GNB5: variants seen among roughly 807,000 people sequenced by gnomAD.
GNB5 encodes guanine nucleotide-binding protein subunit beta-5.
A neutral mutation model predicts 55.3 loss-of-function variants in GNB5; 37 were observed. The observed-to-expected ratio is 0.67, with a 90% CI of 0.51 to 0.88. The LOEUF (loss-of-function observed/expected upper bound fraction) is 0.88. Among genes scored for constraint, GNB5 ranks in the 40% least tolerant of loss-of-function variants. The pLI is 0.00. For synonymous variants in GNB5, 219 were observed against 198.5 expected (o/e 1.10, Z -0.87); for missense variants, 476 against 515.3 (o/e 0.92, Z 0.74).
intron 3 of GNB5, among the ~76,000 whole-genome samples, chr15:52,157,592 T>C (rs1040678997): frequency 3.3e-5 from 5 of 152,136 alleles, no homozygotes; most frequent in Non-Finnish European, 4.4e-5. Context: ...TGTGAGCATA[T>C]TGTATTTAGT....
chr15:52,174,751 C>G (rs2034618066), intron 3 of GNB5, among the ~76,000 whole-genome samples: 1 of 152,088 alleles, frequency 6.6e-6, no homozygotes, highest in African/African-American at 2.4e-5. Context: ...TGCCTAGGGC[C>G]GCAGGGTCTC....
rs117479818 is a variant in GNB5, at chr15:52,133,101, T to C, written c.863+277A>G. Among the ~76,000 whole-genome samples the C allele has an allele frequency of 0.011, 1,638 of 152,316 alleles. 15 individuals are homozygous for C. Among genetic ancestry groups the C allele is most frequent in the Non-Finnish European group, 0.017 (1,174 of 68,038 alleles). On this transcript the variant is annotated intron_variant, in intron 9 of 12. Transcript: ENST00000261837. ...TATATTCCCAGTTCCTAGAATAATATCTAGCATATAAATACTTAATAAATA... is the reference window on the plus strand; with the variant it reads ...TATATTCCCAGTTCCTAGAATAATACCTAGCATATAAATACTTAATAAATA...
chr15:52,137,610 T>TG, intron 7 of GNB5: 1 of 1,117,286 alleles, frequency 9.0e-7, no homozygotes, highest in Non-Finnish European at 1.1e-6. Flanking sequence ...CACACAGGGG[T>TG]GCCCAGGGAA....
chr15:52,179,147 C>G (rs927709793), intron 3 of GNB5, among the ~76,000 whole-genome samples: 2 of 152,168 alleles, frequency 1.3e-5, no homozygotes, highest in African/African-American at 2.4e-5. Context: ...GCCAATCCAC[C>G]ACATCGATCC....
chr15:52,122,719 A>G lies in GNB5; in HGVS notation c.*38T>C. On this transcript the variant is annotated 3_prime_UTR_variant, in exon 13 of 13. Transcript: ENST00000261837. ...TATCTATTTACATGTGAAGATTTCA[A>G]ATTCTCAGGTATACATGAGTGCACT... The G allele has an allele frequency of 2.0e-6, 3 of 1,514,452 alleles. No homozygotes were observed. The highest frequency in any genetic ancestry group is 1.1e-5 in the South Asian group (1 of 89,152). The allele number at this position is 1,514,452 out of a possible 1,614,324, so 93.8% of individuals were successfully genotyped here. A position where few individuals can be genotyped will look rare whatever the true frequency, so the allele number is the denominator to read the frequency against.
intron 8 of GNB5, among the ~76,000 whole-genome samples, chr15:52,134,454 G>C (rs186944246): frequency 2.3e-3 from 353 of 152,302 alleles, no homozygotes; most frequent in Non-Finnish European, 3.0e-3. Context: ...AAAGAAACCA[G>C]AAAGGCCTTC....
chr15:52,140,437 A>G (rs966368559), intron 7 of GNB5, among the ~76,000 whole-genome samples: 1 of 152,156 alleles, frequency 6.6e-6, no homozygotes, highest in African/African-American at 2.4e-5. Context: ...GGCAGCAGCA[A>G]GTCTGTGACC....
intron 6 of GNB5, among the ~76,000 whole-genome samples, chr15:52,146,414 C>T (rs1329402497): frequency 6.6e-6 from 1 of 152,210 alleles, no homozygotes; most frequent in South Asian, 2.1e-4. Context: ...GGGAATAAGG[C>T]ACACTCTTCC....
At chr15:52,166,078 A>G (rs1418489136) in intron 3 of GNB5, among the ~76,000 whole-genome samples, 1 of 152,226 alleles carries the variant, frequency 6.6e-6, no homozygotes, top group Non-Finnish European at 1.5e-5. Flanking sequence ...ACCAACAAAG[A>G]TAAAAAAAGA....
At chr15:52,145,827 G>C (rs993030690) in intron 6 of GNB5, among the ~76,000 whole-genome samples, 1 of 151,964 alleles carries the variant, frequency 6.6e-6, no homozygotes, top group Non-Finnish European at 1.5e-5. Context: ...CTGGGGACTC[G>C]GGCTTTTCCT....
chr15:52,141,465 G>T (rs1419445576), intron 6 of GNB5, among the ~76,000 whole-genome samples, 193 bp from the exon 7 acceptor site: 1 of 146,356 alleles, frequency 6.8e-6, no homozygotes, highest in Non-Finnish European at 1.5e-5. Flanking sequence ...ACAGGGTCTT[G>T]CTCTGTTGGC....
At chr15:52,187,483 T>C (rs932531744) in intron 1 of GNB5, among the ~76,000 whole-genome samples, 3 of 151,930 alleles carry the variant, frequency 2.0e-5, no homozygotes, top group African/African-American at 7.3e-5. Context: ...GAGAGGAACC[T>C]ATGGCACCAA....
At chr15:52,164,309 A>T (rs1479786440) in intron 3 of GNB5, among the ~76,000 whole-genome samples, 250 of 2,614 alleles carry the variant, frequency 0.096, 1 homozygote, top group Non-Finnish European at 0.19. Flanking sequence ...ACTCTGTCTT[A>T]AAAAAAAAAA....
intron 12 of GNB5, among the ~76,000 whole-genome samples, chr15:52,123,003 T>C (rs2141179645): frequency 6.6e-6 from 1 of 151,958 alleles, no homozygotes; most frequent in East Asian, 1.9e-4. Flanking sequence ...GACCTGATCT[T>C]CTCCTCCCTT....
At chr15:52,151,178 G>C (rs138507442) in intron 4 of GNB5, among the ~76,000 whole-genome samples, 1 of 152,152 alleles carries the variant, frequency 6.6e-6, no homozygotes, top group Non-Finnish European at 1.5e-5. Flanking sequence ...GGTGGATTCA[G>C]TAAGCCTTTA....
chr15:52,124,658 G>A lies in GNB5; in HGVS notation c.1010-19C>T. ...AGGCGACCTTGAAGCAGGGTGAGATGATAGCTGTTAAGCCAGTTCCTTGCT... is the reference window on the plus strand; with the variant it reads ...AGGCGACCTTGAAGCAGGGTGAGATAATAGCTGTTAAGCCAGTTCCTTGCT... On this transcript the variant is annotated intron_variant, in intron 11 of 12. Transcript: ENST00000261837. 7.5e-6 allele frequency: 12 copies of A among 1,608,804 alleles called. No homozygotes were observed. Among genetic ancestry groups the A allele is most frequent in the Non-Finnish European group, 1.0e-5 (12 of 1,176,116 alleles).
rs779296518 is a variant in GNB5 at position 52,135,775 on chromosome 15, AG to A, written c.628-20del. On this transcript the variant is annotated intron_variant, in intron 7 of 12. Coordinates refer to ENST00000261837, the MANE Select transcript of GNB5 (RefSeq NM_016194.4). ...TCAGGATCTGCCCGCAGAAAAGGACAGGAAGTGGGTGGTTGTGGTTATTGCT... is the reference window on the plus strand; with the variant it reads ...TCAGGATCTGCCCGCAGAAAAGGACAGAAGTGGGTGGTTGTGGTTATTGCT... 1.2e-5 allele frequency: 20 copies of A among 1,610,934 alleles called. No individual in the cohort carries two copies. The African/African-American group carries it at 2.4e-4, about 19-fold the overall frequency.
rs749018408 is a variant in GNB5, at chr15:52,179,853, G to A, written c.153C>T (p.Asn51=). 3.2e-6 allele frequency: 5 copies of A among 1,552,074 alleles called. No individual in the cohort carries two copies. Among genetic ancestry groups the A allele is most frequent in the Non-Finnish European group, 4.3e-6 (5 of 1,150,434 alleles). The change falls in exon 3 of 13, where the codon AAC becomes AAT. Residue 51 remains asparagine, a synonymous_variant. Coordinates refer to ENST00000261837, the MANE Select transcript of GNB5 (RefSeq NM_016194.4). ...CGCTCTTCAGCGACGCCAGCGTCTCGTTCTCGTGCAGCCCCTCGGTTGCCA... is the reference window on the plus strand; with the variant it reads ...CGCTCTTCAGCGACGCCAGCGTCTCATTCTCGTGCAGCCCCTCGGTTGCCA... ...EIMATEGLHE[N]ETLASLKSEA... is the part of the protein sequence containing the mutation.
Position 52,122,544 on chromosome 15 carries a change from A to T in GNB5, c.*213T>A, listed in dbSNP as rs1316830511. 1 of 541,082 alleles carries T rather than the reference A, an allele frequency of 1.8e-6. No individual in the cohort carries two copies. Among genetic ancestry groups the T allele is most frequent in the African/African-American group, 1.9e-5 (1 of 52,776 alleles). The allele number at this position is 541,082 out of a possible 1,614,324, so 33.5% of individuals were successfully genotyped here. A position where few individuals can be genotyped will look rare whatever the true frequency, so the allele number is the denominator to read the frequency against. On this transcript the variant is annotated 3_prime_UTR_variant, in exon 13 of 13. Transcript: ENST00000261837. ...TTCCAAAAGAAAAATACTGTACTTG[A>T]AGGTATTCTCGCAGTGCTGAAGGCT...
Sources: gnomAD v4.1 joint callset for allele counts (sites outside exome capture counted in the v4.1 genomes callset) on GRCh38, gnomAD v4.1.1 for gene constraint, MANE v1.5 for transcripts, NCBI Gene and HGNC (gene_info 2026-07-23, HGNC 2026-07-21) for gene names.